Variants in ABL2 observed in about 807,000 individuals in gnomAD.
The protein encoded by ABL2 is ABL proto-oncogene 2, non-receptor tyrosine kinase.
A neutral mutation model predicts 107.7 loss-of-function variants in ABL2; 49 were observed. The observed-to-expected ratio is 0.45, with a 90% CI of 0.36 to 0.58. The LOEUF is 0.58. Among genes scored for constraint, ABL2 ranks in the 20% least tolerant of loss-of-function variants. ABL2 has a pLI of 0.00. For missense variants in ABL2, 1,245 were observed against 1,457.0 expected (o/e 0.85, Z 2.37); for synonymous variants, 549 against 548.6 (o/e 1.00, Z -0.01).
rs556391250 is a variant in ABL2, at chr1:179,124,008, A to G, written c.688-2141T>C. Among the ~76,000 whole-genome samples, 5 of 152,116 alleles carry G rather than the reference A, an allele frequency of 3.3e-5. No homozygotes were observed. In the East Asian group the frequency reaches 9.8e-4, roughly 30 times the overall value. On this transcript the variant is annotated intron_variant, in intron 4 of 11. Transcript: ENST00000502732. ...TGTAATCCCAGCACTTTGGGAGGCC[A>G]AGGCGGGTGGATCACGAGGTCAGGA...
chr1:179,228,027 G>A (rs28990069), intron 1 of ABL2, among the ~76,000 whole-genome samples: 2,087 of 142,734 alleles, frequency 0.015, 60 homozygotes, highest in African/African-American at 0.053. Flanking sequence ...TCCAGCCTGG[G>A]CGACAGAATG....
At chr1:179,109,894 C>T (rs1436185453) in intron 11 of ABL2, among the ~76,000 whole-genome samples, 1 of 148,412 alleles carries the variant, frequency 6.7e-6, no homozygotes, top group African/African-American at 2.5e-5. Flanking sequence ...CACCACTGTA[C>T]TCCAGCCTGG....
intron 1 of ABL2, among the ~76,000 whole-genome samples, chr1:179,187,552 G>A (rs1011088837): frequency 2.6e-5 from 4 of 152,092 alleles, no homozygotes; most frequent in Non-Finnish European, 4.4e-5. Context: ...ACTATAAAAG[G>A]TATTGGAGTT....
At chr1:179,197,913 C>CCT (rs1661416539) in intron 1 of ABL2, among the ~76,000 whole-genome samples, 1 of 150,550 alleles carries the variant, frequency 6.6e-6, no homozygotes, top group African/African-American at 2.4e-5. Flanking sequence ...GTGGCTCACA[C>CCT]CTATAATCCT....
intron 1 of ABL2, among the ~76,000 whole-genome samples, chr1:179,166,394 T>TAAAAAAAAAAAAAA: frequency 9.2e-6 from 1 of 108,860 alleles, no homozygotes; most frequent in Non-Finnish European, 2.0e-5. Context: ...AACTCAATAC[T>TAAAAAAAAAAAAAA]AAAAAAAAAA....
intron 4 of ABL2, 46 bp from the exon 5 acceptor site, chr1:179,121,913 G>GA: frequency 1.9e-6 from 1 of 524,444 alleles, no homozygotes; most frequent in Non-Finnish European, 3.0e-6. Flanking sequence ...AAGAGATTAA[G>GA]AATTTTTTTT....
Position 179,131,192 on chromosome 1 carries a change from C to T in ABL2, c.391+119G>A, listed in dbSNP as rs1656284600. ...CTCCTGACCTCAGGTGACCTGCCCG[C>T]CTTGGCCTCCCAAAGTGCTGAGATT... On this transcript the variant is annotated intron_variant, in intron 3 of 11. Coordinates refer to ENST00000502732, the MANE Select transcript of ABL2 (RefSeq NM_007314.4). 6.4e-6 allele frequency: 7 copies of T among 1,098,962 alleles called. No individual in the cohort carries two copies. In the East Asian group the frequency reaches 1.9e-4, roughly 29 times the overall value. The allele number at this position is 1,098,962 out of a possible 1,614,324, so 68.1% of individuals were successfully genotyped here.
chr1:179,121,742 G>T lies in ABL2; in HGVS notation c.813C>A (p.Val271=), dbSNP rs1357279483. 1 of 1,614,066 alleles carries T rather than the reference G, an allele frequency of 6.2e-7. No homozygotes were observed. The change falls in exon 5 of 12, where the codon GTC becomes GTA. Residue 271 remains valine (V), a synonymous_variant. Coordinates refer to ENST00000502732, the MANE Select transcript of ABL2 (RefSeq NM_007314.4). ...YPAPKCNKPT[V]YGVSPIHDKW... ...TGTCGTGGATGGGGGACACACCATA[G>T]ACTGTAGGCTTATTACACTTGGGTG...
At chr1:179,176,329 A>G (rs1162937657) in intron 1 of ABL2, among the ~76,000 whole-genome samples, 1 of 152,216 alleles carries the variant, frequency 6.6e-6, no homozygotes, top group Non-Finnish European at 1.5e-5. Context: ...TGAAATAACT[A>G]AAAGAGTATA....
intron 1 of ABL2, among the ~76,000 whole-genome samples, chr1:179,203,836 C>T (rs1661807210): frequency 1.3e-5 from 2 of 152,174 alleles, no homozygotes; most frequent in South Asian, 4.1e-4. Context: ...TACACTTGAG[C>T]TAAACTGCCT....
Position 179,108,533 on chromosome 1 carries a change from C to A in ABL2, c.2734G>T (p.Gly912Cys), listed in dbSNP as rs140629135. ...AGVPEDGEQP[G>C]WPSPAKAAPV... Reference sequence around the variant, plus strand: ...GCAGCCTTGGCTGGAGAAGGCCAGCCCGGCTGCTCTCCATCCTCTGGAACT... The same window carrying A: ...GCAGCCTTGGCTGGAGAAGGCCAGCACGGCTGCTCTCCATCCTCTGGAACT... The change falls in exon 12 of 12, where the codon GGC becomes TGC. Residue 912 changes from glycine (G) to cysteine (C), a missense_variant. Physicochemically the swap from Gly to Cys is radical, Grantham distance 159. This residue lies in a region of ABL2 where 761 missense variants were observed against 766.4 expected (regional missense o/e 0.99). Transcript: ENST00000502732. 1 of 1,614,022 alleles carries A rather than the reference C, an allele frequency of 6.2e-7. No homozygotes were observed. The highest frequency in any genetic ancestry group is 1.3e-5 in the African/African-American group (1 of 74,930).
intron 6 of ABL2, 87 bp from the exon 7 acceptor site, chr1:179,118,851 T>G: frequency 7.0e-7 from 1 of 1,420,990 alleles, no homozygotes; most frequent in East Asian, 2.3e-5. Flanking sequence ...TGACAATTTT[T>G]CAGGTCTAGT....
rs569305721 is a variant in ABL2 at position 179,110,857 on chromosome 1, C to G, written c.1652-402G>C. The G allele has an allele frequency of 1.1e-4, 172 of 1,613,946 alleles. 2 individuals carry two copies. The highest frequency in any genetic ancestry group is 6.6e-4 in the Middle Eastern group (4 of 6,062). On this transcript the variant is annotated intron_variant, in intron 10 of 11. Transcript: ENST00000502732. ...ACAATGTAGGAGAACTGGTGGATCA[C>G]AGGGTATACGTGTATTCAGGTTTAT...
At chr1:179,131,012 C>T (rs1013276362) in intron 3 of ABL2, among the ~76,000 whole-genome samples, 27 of 151,346 alleles carry the variant, frequency 1.8e-4, no homozygotes, top group Non-Finnish European at 7.4e-5. Flanking sequence ...GTGATCTCAG[C>T]TCACTGCAAC....
chr1:179,110,222 C>T, intron 11 of ABL2, 60 bp downstream of exon 11: 2 of 1,591,454 alleles, frequency 1.3e-6, no homozygotes, highest in Non-Finnish European at 1.7e-6. Flanking sequence ...AGCCTCACAC[C>T]CCATGCTTCT....
intron 1 of ABL2, among the ~76,000 whole-genome samples, chr1:179,148,846 G>A (rs538009467): frequency 1.1e-4 from 16 of 148,372 alleles, no homozygotes; most frequent in South Asian, 1.1e-3. Context: ...GTTGCAGTAC[G>A]CCGAGATCAT....
At chr1:179,213,402 C>T (rs1339858807) in intron 1 of ABL2, among the ~76,000 whole-genome samples, 1 of 151,966 alleles carries the variant, frequency 6.6e-6, no homozygotes, top group African/African-American at 2.4e-5. Flanking sequence ...CTCCTGGGCT[C>T]AAGCTATCCT....
intron 1 of ABL2, among the ~76,000 whole-genome samples, chr1:179,200,038 CCTTTTTTT>C (rs1189952480): frequency 5.8e-4 from 69 of 118,986 alleles, no homozygotes; most frequent in South Asian, 8.7e-4. Context: ...GCCCCCAATG[CCTTTTTTT>C]TTTTTTTTTT....
In ABL2 at chr1:179,205,665, T is replaced by G. The variant is rs533194998; in HGVS notation, c.157+23576A>C. On this transcript the variant is annotated intron_variant, in intron 1 of 11. Transcript: ENST00000502732. ...CCCACCTCCTGATCCATATGGGACA[T>G]GTATTACAAGTGACAAACTTTGGAT... 4.6e-5 allele frequency among the ~76,000 whole-genome samples: 7 copies of G among 152,288 alleles called. No homozygotes were observed. The East Asian group carries it at 1.2e-3, about 25-fold the overall frequency.
Sources: gnomAD v4.1 joint callset for allele counts (sites outside exome capture counted in the v4.1 genomes callset) on GRCh38, gnomAD v4.1.1 for gene constraint, gnomAD v4.1.1 regional missense constraint, MANE v1.5 for transcripts, NCBI Gene and HGNC (gene_info 2026-07-23, HGNC 2026-07-21) for gene names.